ADAMTS15: variants seen among roughly 807,000 people sequenced by gnomAD.
ADAMTS15 encodes A disintegrin and metalloproteinase with thrombospondin motifs 15.
In ADAMTS15, 35 loss-of-function variants were observed where a neutral mutation model predicts 79.1. The ratio of observed to expected loss-of-function variants is 0.44; its 90% CI spans 0.34 to 0.59. The LOEUF (loss-of-function observed/expected upper bound fraction) is 0.59, where lower values mean the gene tolerates loss of function less well. Ranked by LOEUF, ADAMTS15 falls within the 20% of genes least tolerant of loss-of-function variation. ADAMTS15 has a pLI of 0.02. For missense variants in ADAMTS15, 1,324 were observed against 1,318.7 expected (o/e 1.00, Z -0.06); for synonymous variants, 616 against 567.3 (o/e 1.09, Z -1.22).
rs1372024440 is a variant in ADAMTS15 at position 130,461,615 on chromosome 11, G to A, written c.1084G>A (p.Glu362Lys). ...GLPSAFTTAH[E>K]LGHVFNMPHD... ...TCCATCAGCCTTCACCACTGCCCAC[G>A]AGCTGGGTAAGGCTGGATAAGCTCC... Residue 362 changes from glutamate (E) to lysine (K), a missense_variant, in exon 2 of 8, where the codon GAG (glutamate) becomes AAG (lysine). Glu to Lys is a moderately conservative substitution (Grantham distance 56, BLOSUM62 1). Coordinates refer to ENST00000299164, the MANE Select transcript of ADAMTS15 (RefSeq NM_139055.4). 2.5e-6 allele frequency: 4 copies of A among 1,614,120 alleles called. No individual in the cohort carries two copies. In the African/African-American group the frequency reaches 4.0e-5, roughly 16 times the overall value.
chr11:130,464,970 G>GA (rs35175698), intron 4 of ADAMTS15, among the ~76,000 whole-genome samples: 91 of 133,990 alleles, frequency 6.8e-4, no homozygotes, highest in South Asian at 1.2e-3. Flanking sequence ...CCATCTCAAG[G>GA]AAAAAAAAAA....
chr11:130,476,302 C>G lies in ADAMTS15; in HGVS notation c.*2481C>G, dbSNP rs1160375137. ...AATACAGCTTTGGGCTCAGGATTCC[C>G]TAGCCTCCTCTGCCCATCGCGTGCA... On this transcript the variant is annotated 3_prime_UTR_variant, in exon 8 of 8. Transcript: ENST00000299164. The G allele has an allele frequency of 6.6e-6, 1 of 152,214 alleles. No homozygotes were observed. Among genetic ancestry groups the G allele is most frequent in the African/African-American group, 2.4e-5 (1 of 41,448 alleles). The allele number at this position is 152,214 out of a possible 1,614,324, so 9.4% of individuals were successfully genotyped here.
At chr11:130,451,627 G>A (rs910120087) in intron 1 of ADAMTS15, among the ~76,000 whole-genome samples, 3 of 152,154 alleles carry the variant, frequency 2.0e-5, no homozygotes, top group Non-Finnish European at 2.9e-5. Flanking sequence ...CAAAGCAGCT[G>A]TTGCCCCATT....
intron 1 of ADAMTS15, among the ~76,000 whole-genome samples, chr11:130,450,924 A>T (rs1592142927): frequency 6.6e-6 from 1 of 152,190 alleles, no homozygotes; most frequent in Non-Finnish European, 1.5e-5. Context: ...GAAACTGAGT[A>T]TTGGGATTAG....
At chr11:130,450,472 G>C in intron 1 of ADAMTS15, 1 of 981,862 alleles carries the variant, frequency 1.0e-6, no homozygotes, top group Non-Finnish European at 1.2e-6. Context: ...TTGGGGTGGA[G>C]GGAATCATTG....
Position 130,475,492 on chromosome 11 carries a change from G to A in ADAMTS15, c.*1671G>A, listed in dbSNP as rs1482524376. On this transcript the variant is annotated 3_prime_UTR_variant, in exon 8 of 8. Transcript: ENST00000299164. ...TCAGTGGAGAATTTTCTGGAGCTAAGATCAAAGCATGTGTCTTCCTGGGAG... is the reference window on the plus strand; with the variant it reads ...TCAGTGGAGAATTTTCTGGAGCTAAAATCAAAGCATGTGTCTTCCTGGGAG... 6.6e-6 allele frequency: 1 copy of A among 152,266 alleles called. No homozygotes were observed. Among genetic ancestry groups the A allele is most frequent in the African/African-American group, 2.4e-5 (1 of 41,440 alleles). The allele number at this position is 152,266 out of a possible 1,614,324, so 9.4% of individuals were successfully genotyped here. A position where few individuals can be genotyped will look rare whatever the true frequency, so the allele number is the denominator to read the frequency against.
chr11:130,455,943 C>A (rs1236950157), intron 1 of ADAMTS15, among the ~76,000 whole-genome samples: 1 of 152,194 alleles, frequency 6.6e-6, no homozygotes, highest in African/African-American at 2.4e-5. Context: ...CAGGGCGAGG[C>A]CTTCCATTCT....
In ADAMTS15 at chr11:130,471,378, G is replaced by A. The variant is rs781137604; in HGVS notation, c.2073G>A (p.Lys691=). The A allele has an allele frequency of 2.5e-6, 4 of 1,607,256 alleles. No individual in the cohort carries two copies. Among genetic ancestry groups the A allele is most frequent in the Non-Finnish European group, 3.4e-6 (4 of 1,178,518 alleles). Reference sequence around the variant, plus strand: ...AGAAGGTGACTGGACTCTTCACCAAGCCCATGTGAGTTCTGGGCCCTGAAG... The same window carrying A: ...AGAAGGTGACTGGACTCTTCACCAAACCCATGTGAGTTCTGGGCCCTGAAG... The part of the protein sequence containing the change: ...SCKKVTGLFT[K]PMHGYNFVVA... Residue 691 remains lysine, a synonymous_variant, in exon 7 of 8, where the codon AAG becomes AAA. Coordinates refer to ENST00000299164, the MANE Select transcript of ADAMTS15 (RefSeq NM_139055.4).
intron 4 of ADAMTS15, 114 bp from the exon 5 acceptor site, chr11:130,469,148 T>C (rs1000501705): frequency 2.9e-6 from 3 of 1,028,832 alleles, no homozygotes; most frequent in Non-Finnish European, 3.9e-6. Flanking sequence ...ATTAATTTCA[T>C]TCCAGGAAGG....
rs1346205316 is a variant in ADAMTS15, at chr11:130,476,558, T to A, written c.*2737T>A. On this transcript the variant is annotated 3_prime_UTR_variant, in exon 8 of 8. Transcript: ENST00000299164. ...AGGATGGAAGGACCTGGGTGCTGGC[T>A]GGGCTGTGTATACTGTGTATACAAG... The A allele has an allele frequency of 6.6e-6, 1 of 152,456 alleles. No individual in the cohort carries two copies. The highest frequency in any genetic ancestry group is 2.4e-5 in the African/African-American group (1 of 41,430). The allele number at this position is 152,456 out of a possible 1,614,324, so 9.4% of individuals were successfully genotyped here. A position where few individuals can be genotyped will look rare whatever the true frequency, so the allele number is the denominator to read the frequency against.
chr11:130,455,808 G>A (rs1458904627), intron 1 of ADAMTS15, among the ~76,000 whole-genome samples: 1 of 152,178 alleles, frequency 6.6e-6, no homozygotes, highest in African/African-American at 2.4e-5. Context: ...GCAAGGAGCC[G>A]GGGGCTCGTT....
chr11:130,462,099 A>G lies in ADAMTS15; in HGVS notation c.1103A>G (p.Asn368Ser), dbSNP rs1430120065. 5.0e-6 allele frequency: 8 copies of G among 1,613,516 alleles called. No homozygotes were observed. Among genetic ancestry groups the G allele is most frequent in the Non-Finnish European group, 6.8e-6 (8 of 1,179,668 alleles). ...CCTTACCCCACAGGCCACGTGTTCA[A>G]CATGCCCCATGACAATGTGAAAGTC... is the stretch of plus-strand genomic sequence containing the variant. ...TTAHELGHVF[N>S]MPHDNVKVCE... is the part of the protein sequence containing the mutation. Residue 368 changes from asparagine to serine, a missense_variant, in exon 3 of 8, where the codon AAC becomes AGC. Physicochemically the swap from Asn to Ser is conservative, Grantham distance 46 (BLOSUM62 1). Coordinates refer to ENST00000299164, the MANE Select transcript of ADAMTS15 (RefSeq NM_139055.4). This position sits in a 1 kb window ranked among gnomAD's most constrained non-coding sequence, Gnocchi z 4.3.
chr11:130,464,696 T>G (rs12419537), intron 4 of ADAMTS15, among the ~76,000 whole-genome samples: 82,097 of 152,018 alleles, frequency 0.54, 22,879 homozygotes, highest in African/African-American at 0.67. Context: ...GCTGGGCACA[T>G]TGGCCCCCAC....
At position 130,470,988 on chromosome 11, in the gene ADAMTS15, C is replaced by T. The variant is rs1565398359; in HGVS notation, c.1789C>T (p.Leu597Phe). ...CGGCTACAACCACAGCACCAACCGGCTCACTCTCGCCGTGGCATGGGTGCC... is the reference window on the plus strand; with the variant it reads ...CGGCTACAACCACAGCACCAACCGGTTCACTCTCGCCGTGGCATGGGTGCC... The part of the protein sequence containing the change: ...FNGYNHSTNR[L>F]TLAVAWVPKY... Residue 597 changes from leucine (L) to phenylalanine (F), a missense_variant, in exon 6 of 8, where the codon CTC (leucine) becomes TTC (phenylalanine). Physicochemically the swap from Leu to Phe is conservative, Grantham distance 22. Coordinates refer to ENST00000299164, the MANE Select transcript of ADAMTS15 (RefSeq NM_139055.4). 2 of 1,613,878 alleles carry T rather than the reference C, an allele frequency of 1.2e-6. No individual in the cohort carries two copies. Among genetic ancestry groups the T allele is most frequent in the Middle Eastern group, 1.6e-4 (1 of 6,062 alleles).
chr11:130,472,328 G>A lies in ADAMTS15; in HGVS notation c.2079-719G>A, dbSNP rs536992452. 6.6e-6 allele frequency among the ~76,000 whole-genome samples: 1 copy of A among 152,280 alleles called. No individual in the cohort carries two copies. Among genetic ancestry groups the A allele is most frequent in the South Asian group, 2.1e-4 (1 of 4,818 alleles). On this transcript the variant is annotated intron_variant, in intron 7 of 7. Coordinates refer to ENST00000299164, the MANE Select transcript of ADAMTS15 (RefSeq NM_139055.4). The surrounding 1 kb of genome is among the most constrained non-coding windows in gnomAD (Gnocchi z 4.7). Reference sequence around the variant, plus strand: ...GCCCAGCCCTGTCTCTGGGAGCTCGGGCACCAGGGACGGATGGCATTCCAG... The same window carrying A: ...GCCCAGCCCTGTCTCTGGGAGCTCGAGCACCAGGGACGGATGGCATTCCAG...
rs2134746265 is a variant in ADAMTS15 at position 130,475,495 on chromosome 11, C to G, written c.*1674C>G. 6.6e-6 allele frequency: 1 copy of G among 152,324 alleles called. No homozygotes were observed. Among genetic ancestry groups the G allele is most frequent in the Non-Finnish European group, 1.5e-5 (1 of 68,068 alleles). The allele number at this position is 152,324 out of a possible 1,614,324, so 9.4% of individuals were successfully genotyped here. A position where few individuals can be genotyped will look rare whatever the true frequency, so the allele number is the denominator to read the frequency against. ...GTGGAGAATTTTCTGGAGCTAAGAT[C>G]AAAGCATGTGTCTTCCTGGGAGAGA... On this transcript the variant is annotated 3_prime_UTR_variant, in exon 8 of 8. Coordinates refer to ENST00000299164, the MANE Select transcript of ADAMTS15 (RefSeq NM_139055.4).
At chr11:130,465,735 C>T (rs1565395785) in intron 4 of ADAMTS15, among the ~76,000 whole-genome samples, 1 of 152,074 alleles carries the variant, frequency 6.6e-6, no homozygotes, top group Non-Finnish European at 1.5e-5. Context: ...TTTCTGGCAA[C>T]CCAGAGCTCT....
intron 5 of ADAMTS15, among the ~76,000 whole-genome samples, chr11:130,470,152 G>GTATATATATATATATGTA (rs1157689519): frequency 6.8e-5 from 5 of 73,764 alleles, no homozygotes; most frequent in Admixed American, 1.8e-4. Context: ...ATATATATAT[G>GTATATATATATATATGTA]TGTATATATA....
At position 130,459,394 on chromosome 11, in the gene ADAMTS15, A is replaced by G. The variant is rs539047366; in HGVS notation, c.958-2095A>G. ...TTTCCCAGGTTGGTCTTGAACTCCT[A>G]GACTTAAGCGATCTGCCTGCCTTGG... is the stretch of plus-strand genomic sequence containing the variant. On this transcript the variant is annotated intron_variant, in intron 1 of 7. Transcript: ENST00000299164. 5.3e-5 allele frequency among the ~76,000 whole-genome samples: 8 copies of G among 152,156 alleles called. No homozygotes were observed. The South Asian group carries it at 1.5e-3, about 28-fold the overall frequency.
Sources: allele counts gnomAD v4.1 joint callset (sites outside exome capture counted in the v4.1 genomes callset), GRCh38; gene constraint gnomAD v4.1.1; non-coding constraint Gnocchi (gnomAD v3.1); transcripts MANE v1.5; gene names NCBI Gene and HGNC (gene_info 2026-07-23, HGNC 2026-07-21).